Variants in CTNNA3 observed in about 807,000 individuals in gnomAD.
CTNNA3 encodes catenin alpha-3.
A neutral mutation model predicts 95.7 loss-of-function variants in CTNNA3; 76 were observed. The observed-to-expected ratio is 0.79, with a 90% CI of 0.66 to 0.96. The LOEUF is 0.96. CTNNA3 is among the 40% of genes least tolerant of loss of function. CTNNA3 has a pLI of 0.00. For synonymous variants in CTNNA3, 431 were observed against 374.4 expected (o/e 1.15, Z -1.74); for missense variants, 1,191 against 1,089.8 (o/e 1.09, Z -1.31).
At chr10:66,143,497 T>G (rs2083721372) in intron 13 of CTNNA3, among the ~76,000 whole-genome samples, 2 of 152,152 alleles carry the variant, frequency 1.3e-5, no homozygotes, top group African/African-American at 4.8e-5. Context: ...CACACAGCAG[T>G]TCTGCCACAA....
chr10:66,499,898 C>G (rs145838946), intron 11 of CTNNA3, among the ~76,000 whole-genome samples: 1,539 of 151,348 alleles, frequency 0.01, 26 homozygotes, highest in African/African-American at 0.036. Flanking sequence ...TGCCTCCCGG[C>G]TTCAAGCAAT....
At chr10:66,931,129 A>G (rs907625338) in intron 7 of CTNNA3, among the ~76,000 whole-genome samples, 3 of 147,458 alleles carry the variant, frequency 2.0e-5, no homozygotes, top group Non-Finnish European at 4.5e-5. Flanking sequence ...AATGTGATTG[A>G]TATTTATTTT....
chr10:67,153,210 A>G (rs1231110758), intron 7 of CTNNA3, among the ~76,000 whole-genome samples: 2 of 152,190 alleles, frequency 1.3e-5, no homozygotes, highest in Non-Finnish European at 2.9e-5. Context: ...TCCAGATCTC[A>G]GGTGATCCAC....
intron 13 of CTNNA3, among the ~76,000 whole-genome samples, chr10:66,114,772 G>A (rs536663202): frequency 1.1e-3 from 164 of 151,424 alleles, no homozygotes; most frequent in Non-Finnish European, 1.6e-3. Context: ...CCAGCTTCTC[G>A]GGAGGCTGAA....
chr10:66,664,980 G>GATTTAATACAAATACACAGAGCA (rs1846396733), intron 9 of CTNNA3, among the ~76,000 whole-genome samples: 1 of 151,252 alleles, frequency 6.6e-6, no homozygotes, highest in African/African-American at 2.4e-5. Flanking sequence ...CTCTCCCAGT[G>GATTTAATACAAATACACAGAGCA]ATTTAATACA....
intron 9 of CTNNA3, among the ~76,000 whole-genome samples, chr10:66,688,685 A>G (rs1847392548): frequency 6.6e-6 from 1 of 152,138 alleles, no homozygotes; most frequent in Non-Finnish European, 1.5e-5. Context: ...ATAAGAGCAG[A>G]GACCGGCCGG....
At chr10:66,937,095 T>C (rs1248536468) in intron 7 of CTNNA3, among the ~76,000 whole-genome samples, 4 of 152,180 alleles carry the variant, frequency 2.6e-5, no homozygotes, top group Non-Finnish European at 4.4e-5. Context: ...GAGAATTTTT[T>C]TTTCAGTGAA....
At chr10:67,116,296 T>C (rs1437914795) in intron 7 of CTNNA3, among the ~76,000 whole-genome samples, 1 of 152,118 alleles carries the variant, frequency 6.6e-6, no homozygotes, top group Non-Finnish European at 1.5e-5. Flanking sequence ...TGATAGAATG[T>C]TGACCATTTG....
intron 17 of CTNNA3, among the ~76,000 whole-genome samples, chr10:65,952,016 C>T (rs1211695638): frequency 5.8e-5 from 7 of 119,974 alleles, no homozygotes; most frequent in Admixed American, 4.3e-4. Context: ...GGCGACAGAG[C>T]GAGGCTCCGC....
chr10:67,554,474 T>C (rs1379012250), intron 3 of CTNNA3, among the ~76,000 whole-genome samples: 4 of 152,204 alleles, frequency 2.6e-5, no homozygotes, highest in Admixed American at 6.5e-5. Context: ...TGGTATCTCA[T>C]TGTGGTTTTG....
intron 9 of CTNNA3, among the ~76,000 whole-genome samples, chr10:66,696,462 T>C (rs1472214901): frequency 6.6e-6 from 1 of 152,188 alleles, no homozygotes; most frequent in Non-Finnish European, 1.5e-5. Context: ...AATAATGTAG[T>C]AAATATGAGA....
chr10:66,745,587 C>CTTTTT (rs368932444), intron 9 of CTNNA3, among the ~76,000 whole-genome samples: 13 of 109,646 alleles, frequency 1.2e-4, no homozygotes, highest in East Asian at 2.7e-4. Flanking sequence ...TGCAGACAGC[C>CTTTTT]TTTTTTTTTT....
intron 5 of CTNNA3, among the ~76,000 whole-genome samples, chr10:67,226,225 T>C (rs1589049379): frequency 6.6e-6 from 1 of 152,190 alleles, no homozygotes; most frequent in South Asian, 2.1e-4. Flanking sequence ...TCTAGGATTA[T>C]GTTAAACGAC....
chr10:66,569,341 T>C (rs997382514), intron 10 of CTNNA3, among the ~76,000 whole-genome samples: 2 of 152,196 alleles, frequency 1.3e-5, no homozygotes, highest in Non-Finnish European at 2.9e-5. Flanking sequence ...TAATAAGAGA[T>C]AATGGCCCAT....
At chr10:66,645,406 C>T (rs766078384) in intron 9 of CTNNA3, among the ~76,000 whole-genome samples, 6 of 152,078 alleles carry the variant, frequency 3.9e-5, no homozygotes, top group Non-Finnish European at 7.4e-5. Flanking sequence ...AGACTTCGTT[C>T]GGAACTCATT....
chr10:65,998,054 T>C (rs1207941132), intron 15 of CTNNA3, among the ~76,000 whole-genome samples: 1 of 152,162 alleles, frequency 6.6e-6, no homozygotes, highest in Non-Finnish European at 1.5e-5. Context: ...TAGTTGAGTA[T>C]AATATAAAGC....
Position 67,126,657 on chromosome 10 carries a change from A to G in CTNNA3, c.1047+53660T>C, listed in dbSNP as rs72806612. On this transcript the variant is annotated intron_variant, in intron 7 of 17. Transcript: ENST00000433211. Reference sequence around the variant, plus strand: ...CTTTCTTCAATATATCTCAGCCACAAGGCAAATATATGCTGACTAAACTCT... The same window carrying G: ...CTTTCTTCAATATATCTCAGCCACAGGGCAAATATATGCTGACTAAACTCT... Among the ~76,000 whole-genome samples, 948 of 152,164 alleles carry G rather than the reference A, an allele frequency of 6.2e-3. 5 individuals carry two copies. The highest frequency in any genetic ancestry group is 0.014 in the Middle Eastern group (4 of 294).
At chr10:66,741,402 G>T (rs1280370066) in intron 9 of CTNNA3, among the ~76,000 whole-genome samples, 3 of 152,176 alleles carry the variant, frequency 2.0e-5, no homozygotes. Flanking sequence ...GAAAACGTCT[G>T]ATACCAGCAA....
At chr10:67,443,053 T>C (rs751336587) in intron 5 of CTNNA3, among the ~76,000 whole-genome samples, 2 of 149,910 alleles carry the variant, frequency 1.3e-5, no homozygotes, top group African/African-American at 2.5e-5. Context: ...GTGTTTGGTT[T>C]TTCATCCTTG....
Sources: gnomAD v4.1 joint callset for allele counts (sites outside exome capture counted in the v4.1 genomes callset) on GRCh38, gnomAD v4.1.1 for gene constraint, MANE v1.5 for transcripts, NCBI Gene and HGNC (gene_info 2026-07-23, HGNC 2026-07-21) for gene names.